The following CYP4Z1 variants were observed in gnomAD, a reference collection of about 807,000 sequenced individuals.
CYP4Z1 encodes cytochrome P450 4Z1.
CYP4Z1 carries 41 observed loss-of-function variants against 54.2 expected under a neutral mutation model. The observed-to-expected ratio is 0.76, with a 90% CI of 0.59 to 0.98. The LOEUF (loss-of-function observed/expected upper bound fraction) is 0.98, where lower values mean the gene tolerates loss of function less well. Ranked by LOEUF, CYP4Z1 falls within the 50% of genes least tolerant of loss-of-function variation. The pLI is 0.00. For synonymous variants in CYP4Z1, 163 were observed against 206.2 expected, an observed-to-expected ratio of 0.79 and a Z score of 1.79; for missense variants, 513 against 599.0, an observed-to-expected ratio of 0.86 and a Z score of 1.50.
At chr1:47,102,353 T>A (rs1224285789) in intron 8 of CYP4Z1, among the ~76,000 whole-genome samples, 1 of 152,220 alleles carries the variant, frequency 6.6e-6, no homozygotes, top group Non-Finnish European at 1.5e-5. Flanking sequence ...TCATTTAGCA[T>A]TGTGGTTAGG....
chr1:47,103,067 C>T (rs1644731626), intron 8 of CYP4Z1, among the ~76,000 whole-genome samples: 1 of 151,828 alleles, frequency 6.6e-6, no homozygotes, highest in Non-Finnish European at 1.5e-5. Flanking sequence ...TTCAAAAGAC[C>T]TGTCATCAAG....
intron 6 of CYP4Z1, among the ~76,000 whole-genome samples, chr1:47,092,600 T>C (rs1411656448): frequency 2.2e-3 from 323 of 149,432 alleles, no homozygotes; most frequent in African/African-American, 7.7e-3. Context: ...GGGTTGCAAT[T>C]AGGGGTCTTT....
intron 8 of CYP4Z1, among the ~76,000 whole-genome samples, chr1:47,103,002 G>C (rs1234747989): frequency 6.6e-6 from 1 of 151,938 alleles, no homozygotes; most frequent in Non-Finnish European, 1.5e-5. Context: ...ATGTCACATA[G>C]GCTCTGCTCA....
At chr1:47,092,444 C>T (rs1017321207) in intron 6 of CYP4Z1, among the ~76,000 whole-genome samples, 7 of 151,704 alleles carry the variant, frequency 4.6e-5, no homozygotes, top group Admixed American at 1.3e-4. Context: ...CTCAGCCTTT[C>T]TGTAAAGGCT....
At chr1:47,081,905 T>C in intron 3 of CYP4Z1, among the ~76,000 whole-genome samples, 1 of 145,356 alleles carries the variant, frequency 6.9e-6, no homozygotes, top group Non-Finnish European at 1.5e-5. Context: ...TGTGCCAGTC[T>C]AAGGCAGTAT....
chr1:47,105,835 C>G (rs1262362863), intron 8 of CYP4Z1, among the ~76,000 whole-genome samples: 1 of 152,118 alleles, frequency 6.6e-6, no homozygotes, highest in Non-Finnish European at 1.5e-5. Flanking sequence ...CAGTCCATGT[C>G]TCTACCAAAT....
At chr1:47,062,527 T>A (rs1232618067), upstream of CYP4Z1, among the ~76,000 whole-genome samples, 2 of 151,886 alleles carry the variant, frequency 1.3e-5, no homozygotes, top group African/African-American at 4.8e-5. Flanking sequence ...GGCCTTTAGG[T>A]CTCCAGGCTG....
intron 7 of CYP4Z1, among the ~76,000 whole-genome samples, chr1:47,095,179 G>T (rs1270146824): frequency 6.6e-6 from 1 of 152,122 alleles, no homozygotes; most frequent in African/African-American, 2.4e-5. Context: ...TCCTCGACAT[G>T]TGGTCTATAG....
At chr1:47,102,478 C>T (rs1644728586) in intron 8 of CYP4Z1, among the ~76,000 whole-genome samples, 1 of 152,050 alleles carries the variant, frequency 6.6e-6, no homozygotes, top group Admixed American at 6.6e-5. Flanking sequence ...CATTCTGTTA[C>T]TTCTGGGTAT....
intron 2 of CYP4Z1, among the ~76,000 whole-genome samples, chr1:47,077,195 A>G (rs1235451034): frequency 1.3e-5 from 2 of 152,060 alleles, no homozygotes; most frequent in Non-Finnish European, 2.9e-5. Context: ...CTCCAATTAT[A>G]ATTTTAGAAC....
intron 2 of CYP4Z1, among the ~76,000 whole-genome samples, chr1:47,069,160 C>T (rs1252156520): frequency 6.6e-6 from 1 of 152,238 alleles, no homozygotes; most frequent in African/African-American, 2.4e-5. Context: ...GCTTTGCCCA[C>T]TAATGTTGCC....
intron 9 of CYP4Z1, among the ~76,000 whole-genome samples, chr1:47,109,280 T>G (rs1193421488): frequency 6.6e-6 from 1 of 152,178 alleles, no homozygotes; most frequent in Non-Finnish European, 1.5e-5. Context: ...GCTGCCAAAT[T>G]AAACAAGAAG....
chr1:47,107,520 A>G (rs891184117), intron 9 of CYP4Z1, among the ~76,000 whole-genome samples: 4 of 152,170 alleles, frequency 2.6e-5, no homozygotes, highest in Admixed American at 6.6e-5. Context: ...TTGCATCCAT[A>G]CACATAATAT....
chr1:47,106,976 G>A (rs775655559), intron 9 of CYP4Z1, among the ~76,000 whole-genome samples: 7 of 152,136 alleles, frequency 4.6e-5, no homozygotes, highest in Admixed American at 6.5e-5. Context: ...CAATTTAACC[G>A]TCTTTCAAAT....
At chr1:47,082,018 C>T (rs199625945) in intron 3 of CYP4Z1, among the ~76,000 whole-genome samples, 21,274 of 129,860 alleles carry the variant, frequency 0.16, 2,010 homozygotes, top group African/African-American at 0.31. Context: ...AGGATTAAGC[C>T]AAGGAATCTG....
chr1:47,078,691 T>G (rs959055722), intron 2 of CYP4Z1, among the ~76,000 whole-genome samples: 2 of 129,322 alleles, frequency 1.5e-5, no homozygotes, highest in African/African-American at 5.7e-5. Context: ...GGAAAGAAAA[T>G]AAAAATACTC....
chr1:47,106,374 C>A (rs4926805), intron 9 of CYP4Z1, 113 bp downstream of exon 9: 3 of 1,224,998 alleles, frequency 2.4e-6, no homozygotes, highest in Non-Finnish European at 3.3e-6. Flanking sequence ...GAACCTAGGG[C>A]CATTCTTATT....
chr1:47,062,820 G>C (rs140342852), upstream of CYP4Z1, among the ~76,000 whole-genome samples: 20 of 152,282 alleles, frequency 1.3e-4, 1 homozygote, highest in East Asian at 3.9e-3. Context: ...CCCACCACCT[G>C]AGAAACCTGA....
At chr1:47,064,006 C>G (rs1329477316), upstream of CYP4Z1, among the ~76,000 whole-genome samples, 1 of 151,448 alleles carries the variant, frequency 6.6e-6, no homozygotes, top group South Asian at 2.1e-4. Context: ...GTCAGGTAAC[C>G]TGTCAAGAAA....
Sources: allele counts gnomAD v4.1 joint callset (sites outside exome capture counted in the v4.1 genomes callset), GRCh38; gene constraint gnomAD v4.1.1; transcripts MANE v1.5; gene names NCBI Gene and HGNC (gene_info 2026-07-23, HGNC 2026-07-21).